TBC1D14: variants seen among roughly 807,000 people sequenced by gnomAD.
TBC1D14 encodes the protein TBC1 domain family, member 14.
TBC1D14 carries 26 observed loss-of-function variants against 79.0 expected under a neutral mutation model. That is an observed-to-expected ratio of 0.33 (90% CI 0.24 to 0.46). TBC1D14 has a LOEUF of 0.46. Ranked by LOEUF, TBC1D14 falls within the 20% of genes least tolerant of loss-of-function variation. The pLI is 1.00. For missense variants in TBC1D14, 769 were observed against 887.6 expected (o/e 0.87, Z 1.70); for synonymous variants, 394 against 349.9 (o/e 1.13, Z -1.40).
In TBC1D14 at chr4:7,028,555, T is replaced by C. The variant is rs181755607; in HGVS notation, c.2017-1772T>C. On this transcript the variant is annotated intron_variant, in intron 13 of 13. Coordinates refer to ENST00000409757, the MANE Select transcript of TBC1D14 (RefSeq NM_020773.3). ...GATTCTCTTGCCTCAGCCTCCCGAGTAGCTGGGATTACAGGCGCCCGCCTC... is the reference window on the plus strand; with the variant it reads ...GATTCTCTTGCCTCAGCCTCCCGAGCAGCTGGGATTACAGGCGCCCGCCTC... Among the ~76,000 whole-genome samples, 600 of 151,890 alleles carry C rather than the reference T, an allele frequency of 4.0e-3. 4 individuals are homozygous for C. Among genetic ancestry groups the C allele is most frequent in the African/African-American group, 0.013 (548 of 41,418 alleles).
chr4:6,918,828 A>G (rs550169361), intron 1 of TBC1D14, among the ~76,000 whole-genome samples: 1 of 152,076 alleles, frequency 6.6e-6, no homozygotes, highest in Non-Finnish European at 1.5e-5. Context: ...TTCTTACTCT[A>G]TTTTCCTTTT....
At chr4:6,920,516 G>A (rs12696693) in intron 1 of TBC1D14, among the ~76,000 whole-genome samples, 144,769 of 152,244 alleles carry the variant, frequency 0.95, 69,259 homozygotes, top group Middle Eastern at 1. Flanking sequence ...AAGTAGGAGC[G>A]TGCAGGCTCC....
At chr4:6,987,783 T>C (rs138005418) in intron 3 of TBC1D14, among the ~76,000 whole-genome samples, 86 of 152,252 alleles carry the variant, frequency 5.6e-4, no homozygotes, top group Non-Finnish European at 8.2e-4. Flanking sequence ...TAGAGCCCAA[T>C]GAGGTGGTCA....
intron 12 of TBC1D14, among the ~76,000 whole-genome samples, chr4:7,015,948 AAACCACTGTG>A (rs1392882358): frequency 3.3e-5 from 5 of 152,234 alleles, no homozygotes; most frequent in African/African-American, 1.2e-4. Flanking sequence ...GGTAAATGTC[AAACCACTGTG>A]AACAGATAGC....
chr4:7,005,284 C>A (rs1463903370), intron 8 of TBC1D14, among the ~76,000 whole-genome samples: 4 of 152,042 alleles, frequency 2.6e-5, no homozygotes, highest in Non-Finnish European at 4.4e-5. Context: ...GCCTGTAATC[C>A]CAGCACTTTG....
chr4:7,012,427 A>G (rs1169731856), intron 11 of TBC1D14, among the ~76,000 whole-genome samples: 1 of 152,344 alleles, frequency 6.6e-6, no homozygotes, highest in South Asian at 2.1e-4. Flanking sequence ...ATTGGTGTGC[A>G]GTTCTGCTCA....
At chr4:6,935,227 A>ATT (rs372343859) in intron 2 of TBC1D14, among the ~76,000 whole-genome samples, 2 of 147,990 alleles carry the variant, frequency 1.4e-5, no homozygotes, top group South Asian at 4.3e-4. Context: ...AAGTGGTGTG[A>ATT]TTTTTTTTTT....
At chr4:6,927,435 G>A (rs994867524) in intron 2 of TBC1D14, among the ~76,000 whole-genome samples, 8 of 152,196 alleles carry the variant, frequency 5.3e-5, no homozygotes, top group African/African-American at 1.9e-4. Flanking sequence ...TAAAACTACT[G>A]TATAAGGTTA....
rs561520999 is a variant in TBC1D14, at chr4:6,927,378, C to T, written c.722+3267C>T. On this transcript the variant is annotated intron_variant, in intron 2 of 13. Coordinates refer to ENST00000409757, the MANE Select transcript of TBC1D14 (RefSeq NM_020773.3). ...TTTCTCGTGAGTCCTCCTATTTAAT[C>T]GCTGTGGGCCTTGGGCAAGTTACCT... 4.3e-4 allele frequency among the ~76,000 whole-genome samples: 65 copies of T among 152,178 alleles called. 2 individuals carry two copies. The highest frequency in any genetic ancestry group is 5.8e-4 in the East Asian group (3 of 5,178).
At chr4:7,029,749 C>T (rs915531727) in intron 13 of TBC1D14, among the ~76,000 whole-genome samples, 4 of 152,120 alleles carry the variant, frequency 2.6e-5, no homozygotes, top group Non-Finnish European at 4.4e-5. Flanking sequence ...CTCTTGAACC[C>T]GGGGGTCAGA....
intron 3 of TBC1D14, chr4:6,987,709 T>C (rs6846823): frequency 0.98 from 269,192 of 275,556 alleles, 131,525 homozygotes; most frequent in East Asian, 1. Context: ...CCCTTAGAGG[T>C]CAGAAGGGCC....
At chr4:6,968,973 G>A (rs1396111950) in intron 3 of TBC1D14, among the ~76,000 whole-genome samples, 1 of 152,186 alleles carries the variant, frequency 6.6e-6, no homozygotes, top group Non-Finnish European at 1.5e-5. Flanking sequence ...GGAGTGGTTT[G>A]TTGGGGGTGA....
intron 13 of TBC1D14, among the ~76,000 whole-genome samples, chr4:7,026,902 A>G (rs1722430409): frequency 6.6e-6 from 1 of 151,864 alleles, no homozygotes; most frequent in Non-Finnish European, 1.5e-5. Flanking sequence ...GTCTTAAAAA[A>G]ACAAACAAAC....
chr4:6,972,383 C>G (rs1406783482), intron 3 of TBC1D14, among the ~76,000 whole-genome samples: 2 of 152,220 alleles, frequency 1.3e-5, no homozygotes, highest in Non-Finnish European at 2.9e-5. Flanking sequence ...ATGCAAGCGT[C>G]TGTTCTCAGC....
At chr4:6,940,356 A>T (rs1283879791) in intron 2 of TBC1D14, among the ~76,000 whole-genome samples, 1 of 152,198 alleles carries the variant, frequency 6.6e-6, no homozygotes, top group Non-Finnish European at 1.5e-5. Context: ...TAACAGCAGC[A>T]CACAGTGGGT....
intron 2 of TBC1D14, among the ~76,000 whole-genome samples, chr4:6,963,888 C>A (rs896482195): frequency 1.3e-5 from 2 of 150,876 alleles, no homozygotes; most frequent in African/African-American, 4.9e-5. Context: ...CCTCCGTCTC[C>A]CAGGTTCAAG....
At chr4:6,996,729 G>A (rs886361926) in intron 5 of TBC1D14, among the ~76,000 whole-genome samples, 4 of 152,134 alleles carry the variant, frequency 2.6e-5, no homozygotes, top group East Asian at 1.9e-4. Context: ...TGTCCCGGGC[G>A]GGCTGTAAAG....
intron 3 of TBC1D14, among the ~76,000 whole-genome samples, chr4:6,991,584 G>T (rs1047514558): frequency 2.6e-5 from 4 of 152,164 alleles, no homozygotes; most frequent in Admixed American, 2.0e-4. Context: ...TTGAACCTTC[G>T]TTGGGCCATC....
In TBC1D14 at chr4:7,030,543, C is replaced by G. The variant is rs1306598124; in HGVS notation, c.*151C>G. The G allele has an allele frequency of 6.7e-6, 5 of 745,736 alleles. No homozygotes were observed. Among genetic ancestry groups the G allele is most frequent in the Admixed American group, 5.1e-5 (2 of 38,924 alleles). The allele number at this position is 745,736 out of a possible 1,614,324, so 46.2% of individuals were successfully genotyped here. A position where few individuals can be genotyped will look rare whatever the true frequency, so the allele number is the denominator to read the frequency against. ...GAGTTGGCCTTAAACAAAACAAACA[C>G]AAAAACTTTTAAAGAATTAAACCAA... is the stretch of plus-strand genomic sequence containing the variant. On this transcript the variant is annotated 3_prime_UTR_variant, in exon 14 of 14. Coordinates refer to ENST00000409757, the MANE Select transcript of TBC1D14 (RefSeq NM_020773.3).
Sources: allele counts gnomAD v4.1 joint callset (sites outside exome capture counted in the v4.1 genomes callset), GRCh38; gene constraint gnomAD v4.1.1; transcripts MANE v1.5; gene names NCBI Gene and HGNC (gene_info 2026-07-23, HGNC 2026-07-21).